The following RTN4 variants were observed in gnomAD, a reference collection of about 807,000 sequenced individuals.
RTN4 encodes the protein reticulon-4.
A neutral mutation model predicts 90.4 loss-of-function variants in RTN4; 32 were observed. That is an observed-to-expected ratio of 0.35 (90% CI 0.27 to 0.48). The LOEUF (loss-of-function observed/expected upper bound fraction) is 0.48, where lower values mean the gene tolerates loss of function less well. RTN4 is among the 20% of genes least tolerant of loss of function. RTN4 has a pLI of 0.99. For synonymous variants in RTN4, 629 were observed against 552.5 expected, an observed-to-expected ratio of 1.14 and a Z score of -1.94; for missense variants, 1,706 against 1,430.2, an observed-to-expected ratio of 1.19 and a Z score of -3.11.
At chr2:55,114,082 C>G (rs1429451967), upstream of RTN4, among the ~76,000 whole-genome samples, 1 of 152,194 alleles carries the variant, frequency 6.6e-6, no homozygotes, top group East Asian at 1.9e-4. Context: ...TCTTAAAATG[C>G]TAAATATACA....
At chr2:55,050,998 G>C (rs1297648799), upstream of RTN4, among the ~76,000 whole-genome samples, 2 of 152,180 alleles carry the variant, frequency 1.3e-5, no homozygotes, top group Non-Finnish European at 2.9e-5. The surrounding 1 kb of genome is among the most constrained non-coding windows in gnomAD (Gnocchi z 4.6). Flanking sequence ...TGGGAAGTGG[G>C]CCCTAAGGAT....
chr2:55,008,797 C>T (rs997555559), intron 3 of RTN4, among the ~76,000 whole-genome samples: 10 of 152,082 alleles, frequency 6.6e-5, no homozygotes, highest in Admixed American at 1.3e-4. Flanking sequence ...AGCCCTGATA[C>T]GACTTTTCAC....
chr2:55,110,574 C>T (rs766332764), intron 1 of RTN4, among the ~76,000 whole-genome samples: 6 of 152,150 alleles, frequency 3.9e-5, no homozygotes, highest in Non-Finnish European at 8.8e-5. Context: ...AACAGCATTT[C>T]CTGGTTACTT....
intron 3 of RTN4, chr2:55,014,304 C>T (rs557569955): frequency 6.6e-6 from 1 of 152,196 alleles, no homozygotes; most frequent in Non-Finnish European, 1.5e-5. Flanking sequence ...TACTAAAATT[C>T]ATAAACTGAA....
At chr2:55,120,784 A>G in the RTN4 span, among the ~76,000 whole-genome samples, 1 of 152,032 alleles carries the variant, frequency 6.6e-6, no homozygotes, top group Non-Finnish European at 1.5e-5. Context: ...GGCGACTGTC[A>G]GCAGCTGTTG....
the RTN4 span, among the ~76,000 whole-genome samples, chr2:55,129,797 G>A: frequency 7.2e-5 from 11 of 152,178 alleles, no homozygotes; most frequent in South Asian, 2.1e-3. Flanking sequence ...TCCTGACCTC[G>A]TGATCCACCT....
At chr2:55,030,410 A>T (rs1315847842) in intron 1 of RTN4, among the ~76,000 whole-genome samples, 3 of 152,156 alleles carry the variant, frequency 2.0e-5, no homozygotes, top group African/African-American at 4.8e-5. Context: ...AAAGCTCTTT[A>T]AAAAAATCCA....
rs187304207 is a variant in RTN4 at position 55,049,429 on chromosome 2, A to G, written c.556+316T>C. Reference sequence around the variant, plus strand: ...CCACAACCCTGGCTCTCGGGTATATACCCGGCTCCTACTACGGGTGGGTGC... The same window carrying G: ...CCACAACCCTGGCTCTCGGGTATATGCCCGGCTCCTACTACGGGTGGGTGC... On this transcript the variant is annotated intron_variant, in intron 1 of 8. Transcript: ENST00000337526. 6 of 406,812 alleles carry G rather than the reference A, an allele frequency of 1.5e-5. No homozygotes were observed. In the Admixed American group the frequency reaches 2.4e-4, roughly 17 times the overall value. The allele number at this position is 406,812 out of a possible 1,614,324, so 25.2% of individuals were successfully genotyped here.
At chr2:55,039,676 G>C (rs1035656486) in intron 1 of RTN4, among the ~76,000 whole-genome samples, 2 of 152,120 alleles carry the variant, frequency 1.3e-5, no homozygotes, top group African/African-American at 4.8e-5. Flanking sequence ...GCTACTCGGA[G>C]ACTGAGGCAG....
chr2:55,079,439 G>A (rs1668663947), intron 2 of RTN4, among the ~76,000 whole-genome samples: 1 of 152,140 alleles, frequency 6.6e-6, no homozygotes, highest in Admixed American at 6.5e-5. Context: ...GAAGAGTAAA[G>A]GGCCTCAGGA....
At position 55,025,538 on chromosome 2, in the gene RTN4, C is replaced by T. The variant is rs145018115; in HGVS notation, c.2561G>A (p.Arg854Lys). The change falls in exon 3 of 9, where the codon AGA (arginine) becomes AAA (lysine). Residue 854 changes from arginine to lysine, a missense_variant. Arg to Lys is a conservative substitution (Grantham distance 26). Transcript: ENST00000337526. ...DLFISKEAQI[R>K]ETETFSDSSP... ...TGAATCTGAAAACGTTTCAGTTTCT[C>T]TTATCTGTGCTTCCTTAGAAATAAA... 6.2e-7 allele frequency: 1 copy of T among 1,613,704 alleles called. No individual in the cohort carries two copies. Among genetic ancestry groups the T allele is most frequent in the South Asian group, 1.1e-5 (1 of 91,072 alleles).
chr2:54,982,158 G>A (rs1331251800), intron 5 of RTN4, among the ~76,000 whole-genome samples: 5 of 152,004 alleles, frequency 3.3e-5, no homozygotes, highest in Non-Finnish European at 1.5e-5. Context: ...GTTTCTCCAT[G>A]TTGGCCAGGC....
At chr2:55,038,006 G>C (rs1682806596) in intron 1 of RTN4, among the ~76,000 whole-genome samples, 1 of 151,984 alleles carries the variant, frequency 6.6e-6, no homozygotes, top group Non-Finnish European at 1.5e-5. Flanking sequence ...TTTCCCAAAG[G>C]CACCAAAGCA....
chr2:55,086,490 A>G (rs1294608453), intron 1 of RTN4, among the ~76,000 whole-genome samples: 4 of 38,402 alleles, frequency 1.0e-4, no homozygotes, highest in Non-Finnish European at 2.5e-4. Flanking sequence ...GCCTGATCTA[A>G]TCTCTACAAA....
At chr2:55,020,647 C>A (rs1292319394) in intron 3 of RTN4, among the ~76,000 whole-genome samples, 2 of 152,172 alleles carry the variant, frequency 1.3e-5, no homozygotes, top group Admixed American at 1.3e-4. Context: ...CCTTATTCAT[C>A]TCTCTTGCAA....
intron 1 of RTN4, among the ~76,000 whole-genome samples, chr2:55,045,883 G>A (rs1015816748): frequency 6.6e-6 from 1 of 152,138 alleles, no homozygotes; most frequent in African/African-American, 2.4e-5. Context: ...CTCTCAAATC[G>A]ATTTCTAGCC....
Position 55,026,014 on chromosome 2 carries a change from T to C in RTN4, c.2085A>G (p.Ile695Met). 4.3e-6 allele frequency: 7 copies of C among 1,612,346 alleles called. No homozygotes were observed. Among genetic ancestry groups the C allele is most frequent in the Non-Finnish European group, 5.9e-6 (7 of 1,179,594 alleles). ...AALQETEAPY[I>M]SIACDLIKET... The stretch of plus-strand genomic sequence containing the variant: ...CTTTAATTAAATCACATGCAATAGA[T>C]ATATAAGGAGCTTCTGTTTCTTGAA... Residue 695 changes from isoleucine to methionine, a missense_variant, in exon 3 of 9, where the codon ATA becomes ATG. Ile to Met is a conservative substitution (Grantham distance 10). Coordinates refer to ENST00000337526, the MANE Select transcript of RTN4 (RefSeq NM_020532.5).
At chr2:55,122,847 T>C in the RTN4 span, among the ~76,000 whole-genome samples, 1 of 152,134 alleles carries the variant, frequency 6.6e-6, no homozygotes, top group African/African-American at 2.4e-5. Context: ...AAATAATAAC[T>C]CTCCAGCCAG....
chr2:55,089,933 C>T (rs1181021713), intron 1 of RTN4, among the ~76,000 whole-genome samples: 1 of 152,142 alleles, frequency 6.6e-6, no homozygotes, highest in South Asian at 2.1e-4. Flanking sequence ...AGACTGACTC[C>T]CCTCCCCTGG....
Sources: gnomAD v4.1 joint callset for allele counts (sites outside exome capture counted in the v4.1 genomes callset) on GRCh38, gnomAD v4.1.1 for gene constraint, Gnocchi (gnomAD v3.1) non-coding constraint, MANE v1.5 for transcripts, NCBI Gene and HGNC (gene_info 2026-07-23, HGNC 2026-07-21) for gene names.